VTI1A: variants seen among roughly 807,000 people sequenced by gnomAD.
The protein encoded by VTI1A is vesicle transport through interaction with t-SNAREs 1A, also known as vesicle transport through interaction with t-SNAREs homolog 1A.
VTI1A carries 22 observed loss-of-function variants against 34.9 expected under a neutral mutation model. That is an observed-to-expected ratio of 0.63 (90% CI 0.45 to 0.90). The LOEUF (loss-of-function observed/expected upper bound fraction) is 0.90, where lower values mean the gene tolerates loss of function less well. VTI1A is among the 40% of genes least tolerant of loss of function. VTI1A has a pLI of 0.00. For missense variants in VTI1A, 268 were observed against 275.6 expected, an observed-to-expected ratio of 0.97 and a Z score of 0.20; for synonymous variants, 87 against 97.3, an observed-to-expected ratio of 0.89 and a Z score of 0.62.
At chr10:112,556,010 A>T (rs1184669942) in intron 5 of VTI1A, among the ~76,000 whole-genome samples, 1 of 152,028 alleles carries the variant, frequency 6.6e-6, no homozygotes, top group Non-Finnish European at 1.5e-5. Flanking sequence ...GCTCATGGCA[A>T]GAATATTCTG....
At chr10:112,495,239 T>C (rs1188303880) in intron 3 of VTI1A, among the ~76,000 whole-genome samples, 1 of 131,374 alleles carries the variant, frequency 7.6e-6, no homozygotes, top group Non-Finnish European at 1.6e-5. Context: ...AAAAATTTTC[T>C]CCATAAATTT....
chr10:112,612,633 A>C (rs962093385), intron 5 of VTI1A, among the ~76,000 whole-genome samples: 106 of 152,162 alleles, frequency 7.0e-4, no homozygotes, highest in African/African-American at 2.5e-3. Flanking sequence ...TGTGTTGCCC[A>C]GGTTGGTCTA....
intron 3 of VTI1A, among the ~76,000 whole-genome samples, chr10:112,470,050 C>T (rs370204360): frequency 6.6e-5 from 10 of 152,260 alleles, no homozygotes; most frequent in South Asian, 2.1e-4. Flanking sequence ...GAATTACGCT[C>T]CTCCACTGCT....
chr10:112,565,651 C>T (rs759103391), intron 5 of VTI1A, among the ~76,000 whole-genome samples: 2 of 152,110 alleles, frequency 1.3e-5, no homozygotes, highest in Admixed American at 6.5e-5. Context: ...ACATAGGCTG[C>T]GCCATTGAGC....
intron 3 of VTI1A, among the ~76,000 whole-genome samples, chr10:112,518,668 TAC>T (rs201586494): frequency 1.1e-4 from 14 of 125,036 alleles, no homozygotes; most frequent in East Asian, 4.1e-4. Context: ...TATATATATA[TAC>T]ACACACACAC....
intron 5 of VTI1A, among the ~76,000 whole-genome samples, chr10:112,572,756 G>A (rs543037925): frequency 2.6e-5 from 4 of 151,600 alleles, no homozygotes; most frequent in South Asian, 2.1e-4. Context: ...GGAGAACGGC[G>A]TGAACCCGGG....
chr10:112,794,767 T>A (rs1852616017), intron 7 of VTI1A, among the ~76,000 whole-genome samples: 1 of 152,160 alleles, frequency 6.6e-6, no homozygotes, highest in South Asian at 2.1e-4. Context: ...TTAGTGGTCC[T>A]AATGATGACT....
chr10:112,684,928 G>A (rs977064766), intron 7 of VTI1A, among the ~76,000 whole-genome samples: 1 of 152,128 alleles, frequency 6.6e-6, no homozygotes, highest in African/African-American at 2.4e-5. Context: ...ACATTGGGCT[G>A]GCCGTAATAT....
intron 7 of VTI1A, among the ~76,000 whole-genome samples, chr10:112,697,092 A>G (rs187550727): frequency 2.0e-5 from 3 of 152,302 alleles, no homozygotes; most frequent in Admixed American, 6.5e-5. Flanking sequence ...AATAGTACTT[A>G]TACATAAATT....
intron 5 of VTI1A, among the ~76,000 whole-genome samples, chr10:112,638,403 AC>A (rs1038467084): frequency 3.3e-5 from 5 of 152,208 alleles, no homozygotes; most frequent in African/African-American, 1.2e-4. Flanking sequence ...AAATTCCTAA[AC>A]AAACAAGCTA....
At chr10:112,772,439 A>G (rs1851838054) in intron 7 of VTI1A, among the ~76,000 whole-genome samples, 2 of 152,214 alleles carry the variant, frequency 1.3e-5, no homozygotes, top group Admixed American at 1.3e-4. Context: ...AAGATAGTCT[A>G]GATATGTCTT....
chr10:112,736,650 A>T (rs933797914), intron 7 of VTI1A: 4 of 1,544,628 alleles, frequency 2.6e-6, no homozygotes, highest in Non-Finnish European at 3.5e-6. Context: ...GGAAACAAGT[A>T]TACAAACTAG....
chr10:112,456,835 C>G (rs776500536), intron 1 of VTI1A, among the ~76,000 whole-genome samples: 11 of 152,154 alleles, frequency 7.2e-5, no homozygotes, highest in Non-Finnish European at 1.6e-4. Context: ...ATAGTTAGAG[C>G]CGCTCAAGAC....
At chr10:112,459,122 C>A (rs1366123196) in intron 1 of VTI1A, among the ~76,000 whole-genome samples, 1 of 152,142 alleles carries the variant, frequency 6.6e-6, no homozygotes, top group African/African-American at 2.4e-5. Flanking sequence ...GACATAAACC[C>A]AGTTTTAAAT....
chr10:112,470,954 A>T (rs1848055054), intron 3 of VTI1A, among the ~76,000 whole-genome samples: 1 of 152,016 alleles, frequency 6.6e-6, no homozygotes, highest in Non-Finnish European at 1.5e-5. Flanking sequence ...TCATCTTTCC[A>T]AGATCTGGGT....
intron 7 of VTI1A, among the ~76,000 whole-genome samples, chr10:112,714,249 C>T (rs1028134941): frequency 6.6e-6 from 1 of 152,164 alleles, no homozygotes; most frequent in Non-Finnish European, 1.5e-5. Context: ...TGCTTTGCCT[C>T]TGCTTAAAAC....
At chr10:112,689,997 A>T (rs917459140) in intron 7 of VTI1A, among the ~76,000 whole-genome samples, 2 of 152,084 alleles carry the variant, frequency 1.3e-5, no homozygotes, top group Non-Finnish European at 2.9e-5. Flanking sequence ...CTAAAATTTC[A>T]TGTAAATGGA....
At chr10:112,850,853 G>C in the VTI1A span, among the ~76,000 whole-genome samples, 1 of 152,170 alleles carries the variant, frequency 6.6e-6, no homozygotes, top group Admixed American at 6.5e-5. Context: ...TGTCCATGAA[G>C]CCGACCCTGA....
At chr10:112,667,552 T>G (rs894079422) in intron 5 of VTI1A, among the ~76,000 whole-genome samples, 1 of 152,100 alleles carries the variant, frequency 6.6e-6, no homozygotes, top group African/African-American at 2.4e-5. Flanking sequence ...CCTATAACAG[T>G]ATAAGGGTTT....
Sources: allele counts gnomAD v4.1 joint callset (sites outside exome capture counted in the v4.1 genomes callset), GRCh38; gene constraint gnomAD v4.1.1; transcripts MANE v1.5; gene names NCBI Gene and HGNC (gene_info 2026-07-23, HGNC 2026-07-21).